VRK2: variants seen among roughly 807,000 people sequenced by gnomAD.
VRK2 encodes VRK serine/threonine kinase 2.
In VRK2, 60 loss-of-function variants were observed where a neutral mutation model predicts 57.6. That is an observed-to-expected ratio of 1.04 (90% CI 0.85 to 1.29). The LOEUF (loss-of-function observed/expected upper bound fraction) is 1.29, where lower values mean the gene tolerates loss of function less well. VRK2 is among the 50% of genes most tolerant of loss of function. VRK2 has a pLI of 0.00. For missense variants in VRK2, 705 were observed against 588.1 expected (o/e 1.20, Z -2.06); for synonymous variants, 231 against 199.2 (o/e 1.16, Z -1.35).
chr2:58,097,617 A>G (rs1179781003), intron 7 of VRK2, among the ~76,000 whole-genome samples: 3 of 152,166 alleles, frequency 2.0e-5, no homozygotes, highest in Admixed American at 1.3e-4. Flanking sequence ...AACGGACCAC[A>G]TATACAACAG....
chr2:57,935,549 C>A (rs573679720), intron 1 of VRK2, among the ~76,000 whole-genome samples: 1 of 152,228 alleles, frequency 6.6e-6, no homozygotes, highest in East Asian at 1.9e-4. Context: ...GAGTGAGACA[C>A]ATGGAGTTTT....
At chr2:58,100,731 GC>G (rs1673835895) in intron 7 of VRK2, among the ~76,000 whole-genome samples, 1 of 151,344 alleles carries the variant, frequency 6.6e-6, no homozygotes, top group Non-Finnish European at 1.5e-5. Context: ...TTGATAATTT[GC>G]TATATATCTA....
chr2:58,008,224 G>C (rs746088222), intron 1 of VRK2, among the ~76,000 whole-genome samples: 1 of 151,838 alleles, frequency 6.6e-6, no homozygotes, highest in African/African-American at 2.4e-5. Context: ...TTACACTAGG[G>C]TCAAATAAGA....
chr2:58,130,020 C>G (rs1393787893), intron 8 of VRK2, among the ~76,000 whole-genome samples: 1 of 152,102 alleles, frequency 6.6e-6, no homozygotes, highest in Non-Finnish European at 1.5e-5. Flanking sequence ...TCTCAAAGGG[C>G]TATTTCAAAT....
At chr2:57,945,072 GGAATAACT>G (rs1389817094) in intron 1 of VRK2, among the ~76,000 whole-genome samples, 2 of 151,964 alleles carry the variant, frequency 1.3e-5, no homozygotes, top group African/African-American at 4.8e-5. Context: ...GGAATACTCT[GGAATAACT>G]GATCAGTATC....
At chr2:58,141,290 T>C (rs965780892) in intron 11 of VRK2, among the ~76,000 whole-genome samples, 1 of 152,038 alleles carries the variant, frequency 6.6e-6, no homozygotes, top group Non-Finnish European at 1.5e-5. Flanking sequence ...AATTGAAATA[T>C]AAAAGAAGCC....
chr2:57,942,441 T>C (rs1054178099), intron 1 of VRK2, among the ~76,000 whole-genome samples: 2 of 152,194 alleles, frequency 1.3e-5, no homozygotes, highest in African/African-American at 4.8e-5. Context: ...TGAGTCTCTG[T>C]TTTGCATATG....
intron 1 of VRK2, among the ~76,000 whole-genome samples, chr2:57,978,510 AG>A (rs1308457585): frequency 6.6e-6 from 1 of 151,130 alleles, no homozygotes; most frequent in Non-Finnish European, 1.5e-5. Context: ...TAAGGCAAGC[AG>A]AACAATCTTT....
At chr2:58,099,025 A>C (rs541436700) in intron 7 of VRK2, among the ~76,000 whole-genome samples, 1 of 152,130 alleles carries the variant, frequency 6.6e-6, no homozygotes, top group Admixed American at 6.6e-5. Context: ...ACAATCGATA[A>C]CTAGAACAGT....
At chr2:57,937,978 C>A (rs1259679523) in intron 1 of VRK2, among the ~76,000 whole-genome samples, 2 of 151,796 alleles carry the variant, frequency 1.3e-5, no homozygotes, top group African/African-American at 4.8e-5. Flanking sequence ...ACTACAGGTG[C>A]CCGCAACCAC....
At chr2:57,999,890 C>G (rs1673038781) in intron 1 of VRK2, among the ~76,000 whole-genome samples, 1 of 152,022 alleles carries the variant, frequency 6.6e-6, no homozygotes, top group Non-Finnish European at 1.5e-5. Flanking sequence ...TGCCTATAAT[C>G]CCAGCATTTT....
chr2:57,996,794 C>A lies in VRK2; in HGVS notation c.-438-28871C>A, dbSNP rs114824325. On this transcript the variant is annotated intron_variant, in intron 1 of 15. Coordinates refer to the VRK2 transcript ENST00000417641. ...AAATGGCATGGTATTTGCATATAAC[C>A]TATGTAGATCCCCCATATGTTTTAA... Among the ~76,000 whole-genome samples the A allele has an allele frequency of 4.9e-3, 745 of 152,022 alleles. 8 individuals are homozygous for A. The highest frequency in any genetic ancestry group is 0.017 in the African/African-American group (705 of 41,482).
intron 1 of VRK2, among the ~76,000 whole-genome samples, chr2:57,936,563 G>A (rs1458359346): frequency 7.1e-6 from 1 of 140,410 alleles, no homozygotes; most frequent in African/African-American, 2.8e-5. Context: ...GTATCACTCT[G>A]TCCTCTGTTG....
intron 1 of VRK2, among the ~76,000 whole-genome samples, chr2:57,946,926 T>G (rs940031990): frequency 6.6e-6 from 1 of 152,074 alleles, no homozygotes; most frequent in African/African-American, 2.4e-5. Context: ...TTGCAAATAA[T>G]AGTGTCTGAT....
intron 3 of VRK2, among the ~76,000 whole-genome samples, chr2:58,041,452 T>A (rs1211491657): frequency 6.6e-6 from 1 of 152,092 alleles, no homozygotes; most frequent in Non-Finnish European, 1.5e-5. Context: ...CCCTTTGAAA[T>A]TCCCACACAA....
chr2:57,948,015 A>C (rs1671313427), intron 1 of VRK2, among the ~76,000 whole-genome samples: 1 of 152,160 alleles, frequency 6.6e-6, no homozygotes, highest in African/African-American at 2.4e-5. Context: ...CCCATCACAA[A>C]CTCATAATTC....
intron 1 of VRK2, among the ~76,000 whole-genome samples, chr2:58,015,506 T>G (rs1349115058): frequency 1.3e-5 from 2 of 152,186 alleles, no homozygotes; most frequent in Admixed American, 1.3e-4. Context: ...AATTAAATGA[T>G]GCATGAAAAG....
In VRK2 at chr2:58,121,276, G is replaced by A. The variant is rs553610932; in HGVS notation, c.544-1825G>A. On this transcript the variant is annotated intron_variant, in intron 7 of 12. Transcript: ENST00000340157. ...TAGTGAGTACATAAAACAGCTTCTT[G>A]ATAGCTCTTTTTTAAAATAGTAAAC... 3.5e-4 allele frequency among the ~76,000 whole-genome samples: 54 copies of A among 152,246 alleles called. 1 individual carries two copies. In the South Asian group the frequency reaches 0.011, roughly 32 times the overall value.
intron 3 of VRK2, among the ~76,000 whole-genome samples, chr2:58,033,911 C>A (rs1300876265): frequency 6.6e-6 from 1 of 151,972 alleles, no homozygotes; most frequent in Admixed American, 6.6e-5. Flanking sequence ...TAATCTGATA[C>A]AATTTCCTAC....
Sources: allele counts gnomAD v4.1 joint callset (sites outside exome capture counted in the v4.1 genomes callset), GRCh38; gene constraint gnomAD v4.1.1; transcripts MANE v1.5; gene names NCBI Gene and HGNC (gene_info 2026-07-23, HGNC 2026-07-21).